Variants in CREB3L3 observed in about 807,000 individuals in gnomAD.
The protein encoded by CREB3L3 is cAMP responsive element binding protein 3 like 3.
CREB3L3 carries 40 observed loss-of-function variants against 44.6 expected under a neutral mutation model. The observed-to-expected ratio is 0.90, with a 90% CI of 0.70 to 1.17. The LOEUF is 1.17. Ranked by LOEUF, CREB3L3 falls within the 50% of genes most tolerant of loss-of-function variation. The pLI is 0.00. For missense variants in CREB3L3, 578 were observed against 595.8 expected, an observed-to-expected ratio of 0.97 and a Z score of 0.31; for synonymous variants, 273 against 256.3, an observed-to-expected ratio of 1.06 and a Z score of -0.62.
intron 4 of CREB3L3, among the ~76,000 whole-genome samples, chr19:4,160,826 C>T (rs1222799881): frequency 4.6e-5 from 7 of 151,498 alleles, no homozygotes; most frequent in East Asian, 1.9e-4. Context: ...CTCCGCCTAC[C>T]GGGTTCACAC....
chr19:4,161,165 TG>T (rs1306185672), intron 4 of CREB3L3, among the ~76,000 whole-genome samples: 2 of 152,200 alleles, frequency 1.3e-5, no homozygotes, highest in Non-Finnish European at 2.9e-5. Context: ...GGTTTCATCA[TG>T]TTAGCCAGGA....
intron 7 of CREB3L3, among the ~76,000 whole-genome samples, chr19:4,170,647 C>T (rs1967023383): frequency 2.6e-5 from 4 of 151,226 alleles, no homozygotes; most frequent in South Asian, 2.1e-4. Flanking sequence ...TGGTGGCTCA[C>T]GCCTGTAATC....
chr19:4,171,460 G>C lies in CREB3L3; in HGVS notation c.1053G>C (p.Gly351=). ...GCCCCAACAAAACCGAGAGCCCTGGGGACTTTGCGCCTGTACGAGGTAGGG... is the reference window on the plus strand; with the variant it reads ...GCCCCAACAAAACCGAGAGCCCTGGCGACTTTGCGCCTGTACGAGGTAGGG... ...PFGPNKTESP[G]DFAPVRVFSR... Residue 351 remains glycine, a synonymous_variant, in exon 9 of 10, where the codon GGG becomes GGC. Coordinates refer to ENST00000078445, the MANE Select transcript of CREB3L3 (RefSeq NM_032607.3). This position sits in a 1 kb window ranked among gnomAD's most constrained non-coding sequence, Gnocchi z 4.9. 6.2e-7 allele frequency: 1 copy of C among 1,614,076 alleles called. No individual in the cohort carries two copies. The highest frequency in any genetic ancestry group is 8.5e-7 in the Non-Finnish European group (1 of 1,179,994).
In CREB3L3 at chr19:4,171,337, G is replaced by A. The variant is rs763820858; in HGVS notation, c.976-46G>A. On this transcript the variant is annotated intron_variant, in intron 8 of 9. Coordinates refer to ENST00000078445, the MANE Select transcript of CREB3L3 (RefSeq NM_032607.3). This position sits in a 1 kb window ranked among gnomAD's most constrained non-coding sequence, Gnocchi z 4.9. The stretch of plus-strand genomic sequence containing the variant: ...CCCTGCCTGTGGGATGGAGATGCTT[G>A]CAGGGGAGGGGAGGGAGGGGGTGAC... 1.7e-5 allele frequency: 26 copies of A among 1,566,430 alleles called. No individual in the cohort carries two copies. Among genetic ancestry groups the A allele is most frequent in the Non-Finnish European group, 2.3e-5 (26 of 1,137,920 alleles).
chr19:4,153,733 G>A lies in CREB3L3; in HGVS notation c.-15G>A. ...AGACCCCCCGAGGCATCTGCAGACA[G>A]AACTGGATGGACCCATGAATACGGA... On this transcript the variant is annotated 5_prime_UTR_variant, in exon 1 of 10. Coordinates refer to ENST00000078445, the MANE Select transcript of CREB3L3 (RefSeq NM_032607.3). 1 of 1,614,140 alleles carries A rather than the reference G, an allele frequency of 6.2e-7. No homozygotes were observed. Among genetic ancestry groups the A allele is most frequent in the South Asian group, 1.1e-5 (1 of 91,064 alleles).
At chr19:4,164,097 G>T (rs957748710) in intron 4 of CREB3L3, among the ~76,000 whole-genome samples, 1 of 147,530 alleles carries the variant, frequency 6.8e-6, no homozygotes, top group African/African-American at 2.5e-5. Context: ...CCTCAGCCTC[G>T]CAAGTAGCTG....
intron 1 of CREB3L3, 81 bp downstream of exon 1, chr19:4,153,855 C>A: frequency 6.9e-7 from 1 of 1,449,760 alleles, no homozygotes. Context: ...GGAAGGACCC[C>A]ATCTCCACCC....
intron 2 of CREB3L3, among the ~76,000 whole-genome samples, chr19:4,156,155 CCCTCCCTTCCTCCCTT>C (rs200708264): frequency 1.2e-5 from 1 of 82,678 alleles, no homozygotes; most frequent in South Asian, 4.5e-4. Flanking sequence ...CTCTCCCCCT[CCCTCCCTTCCTCCCTT>C]CCTCCCTTCC....
chr19:4,170,249 G>A (rs1325357866), intron 7 of CREB3L3, 41 bp downstream of exon 7: 2 of 1,589,162 alleles, frequency 1.3e-6, no homozygotes, highest in East Asian at 2.2e-5. Context: ...AGGGGAAGCA[G>A]CCCCAGAGTC....
intron 2 of CREB3L3, among the ~76,000 whole-genome samples, chr19:4,155,592 G>A (rs2041561284): frequency 6.6e-6 from 1 of 151,402 alleles, no homozygotes; most frequent in African/African-American, 2.4e-5. Context: ...TCCTGACCTT[G>A]TGATCCACCC....
chr19:4,155,153 G>A, intron 2 of CREB3L3, 126 bp downstream of exon 2: 1 of 1,191,090 alleles, frequency 8.4e-7, no homozygotes, highest in Non-Finnish European at 1.2e-6. Flanking sequence ...TGCACTAATG[G>A]GTCACGGTGC....
Position 4,171,336 on chromosome 19 carries a change from T to C in CREB3L3, c.976-47T>C. The C allele has an allele frequency of 1.3e-6, 2 of 1,549,190 alleles. No homozygotes were observed. Among genetic ancestry groups the C allele is most frequent in the Non-Finnish European group, 1.8e-6 (2 of 1,124,566 alleles). On this transcript the variant is annotated intron_variant, in intron 8 of 9. Transcript: ENST00000078445. This position sits in a 1 kb window ranked among gnomAD's most constrained non-coding sequence, Gnocchi z 4.9. ...TCCCTGCCTGTGGGATGGAGATGCT[T>C]GCAGGGGAGGGGAGGGAGGGGGTGA...
chr19:4,171,414 T>A lies in CREB3L3; in HGVS notation c.1007T>A (p.Leu336His). The change falls in exon 9 of 10, where the codon CTC becomes CAC. Residue 336 changes from leucine to histidine, a missense_variant. Physicochemically the swap from Leu to His is moderately conservative, Grantham distance 99. Transcript: ENST00000078445. This position sits in a 1 kb window ranked among gnomAD's most constrained non-coding sequence, Gnocchi z 4.9. ...TTGCTGTCCTTTGCCCTCATCATCCTCCCCTCCATCAGCCCTTTTGGCCCC... is the reference window on the plus strand; with the variant it reads ...TTGCTGTCCTTTGCCCTCATCATCCACCCCTCCATCAGCCCTTTTGGCCCC... ...VLLLSFALII[L>H]PSISPFGPNK... 2 of 1,613,890 alleles carry A rather than the reference T, an allele frequency of 1.2e-6. No individual in the cohort carries two copies. The highest frequency in any genetic ancestry group is 1.7e-6 in the Non-Finnish European group (2 of 1,179,962).
At position 4,171,745 on chromosome 19, in the gene CREB3L3, G is replaced by C; in HGVS notation, c.1162G>C (p.Ala388Pro). The change falls in exon 10 of 10, where the codon GCT (alanine) becomes CCT (proline). Residue 388 changes from alanine (A) to proline (P), a missense_variant. Ala to Pro is a conservative substitution (Grantham distance 27). Coordinates refer to ENST00000078445, the MANE Select transcript of CREB3L3 (RefSeq NM_032607.3). The surrounding 1 kb of genome is among the most constrained non-coding windows in gnomAD (Gnocchi z 4.9). ...CGAGGCCCCAGGACCCCGACCCGAG[G>C]CTGACACAACCCGAGAAGAGTCTCC... ...GSEAPGPRPE[A>P]DTTREESPGS... The C allele has an allele frequency of 1.9e-6, 3 of 1,613,300 alleles. No individual in the cohort carries two copies. The highest frequency in any genetic ancestry group is 2.5e-6 in the Non-Finnish European group (3 of 1,180,012).
Position 4,171,300 on chromosome 19 carries a change from G to C in CREB3L3, c.976-83G>C, listed in dbSNP as rs762193684. ...CAAGTATGATCCAGTCTGGTCTTTG[G>C]GGCCTCAGTTTCCCTGCCTGTGGGA... On this transcript the variant is annotated intron_variant, in intron 8 of 9. Transcript: ENST00000078445. The surrounding 1 kb of genome is among the most constrained non-coding windows in gnomAD (Gnocchi z 4.9). 1.4e-6 allele frequency: 2 copies of C among 1,478,566 alleles called. No individual in the cohort carries two copies. Among genetic ancestry groups the C allele is most frequent in the Non-Finnish European group, 1.9e-6 (2 of 1,061,698 alleles). 91.6% of individuals were successfully genotyped at this position (1,478,566 alleles called of 1,614,324 possible).
At chr19:4,162,969 C>T (rs543331205) in intron 4 of CREB3L3, among the ~76,000 whole-genome samples, 139 of 151,728 alleles carry the variant, frequency 9.2e-4, no homozygotes, top group Middle Eastern at 3.4e-3. Flanking sequence ...GTAGCAAGAC[C>T]CTATTTCAAA....
At chr19:4,163,351 A>AGAAAAAGAAAGAAAGAAG in intron 4 of CREB3L3, among the ~76,000 whole-genome samples, 1 of 117,280 alleles carries the variant, frequency 8.5e-6, no homozygotes, top group East Asian at 2.6e-4. Context: ...AAAGAAAGAA[A>AGAAAAAGAAAGAAAGAAG]GAAGGAAGGA....
At chr19:4,168,890 G>A (rs185507583) in intron 6 of CREB3L3, among the ~76,000 whole-genome samples, 134 of 152,072 alleles carry the variant, frequency 8.8e-4, no homozygotes, top group Non-Finnish European at 1.4e-3. Flanking sequence ...TGGCCACCAC[G>A]CCCAGCTAAT....
In CREB3L3 at chr19:4,171,679, G is replaced by A. The variant is rs781315615; in HGVS notation, c.1096G>A (p.Asp366Asn). 7.4e-6 allele frequency: 12 copies of A among 1,613,186 alleles called. No individual in the cohort carries two copies. Among genetic ancestry groups the A allele is most frequent in the Middle Eastern group, 1.6e-4 (1 of 6,084 alleles). ...VRVFSRTLHN[D>N]AASRVAADAV... ...AGTGTTCTCCAGAACTTTGCACAAC[G>A]ATGCTGCCTCCCGCGTGGCTGCTGA... Residue 366 changes from aspartate (D) to asparagine (N), a missense_variant, in exon 10 of 10, where the codon GAT (aspartate) becomes AAT (asparagine). Physicochemically the swap from Asp to Asn is conservative, Grantham distance 23. Transcript: ENST00000078445. The surrounding 1 kb of genome is among the most constrained non-coding windows in gnomAD (Gnocchi z 4.9).
Sources: gnomAD v4.1 joint callset for allele counts (sites outside exome capture counted in the v4.1 genomes callset) on GRCh38, gnomAD v4.1.1 for gene constraint, Gnocchi (gnomAD v3.1) non-coding constraint, MANE v1.5 for transcripts, NCBI Gene and HGNC (gene_info 2026-07-23, HGNC 2026-07-21) for gene names.